ERCC6: variants seen among roughly 807,000 people sequenced by gnomAD.
ERCC6 encodes ERCC excision repair 6, chromatin remodeling factor.
Under a neutral mutation model 158.7 loss-of-function variants are expected in ERCC6, and 116 were observed. The ratio of observed to expected loss-of-function variants is 0.73; its 90% CI spans 0.63 to 0.85. The LOEUF (loss-of-function observed/expected upper bound fraction) is 0.85. Among genes scored for constraint, ERCC6 ranks in the 40% least tolerant of loss-of-function variants. The pLI, the probability that ERCC6 is intolerant of heterozygous loss-of-function variation, is 0.00. For missense variants in ERCC6, 1,698 were observed against 1,799.4 expected, an observed-to-expected ratio of 0.94 and a Z score of 1.02; for synonymous variants, 678 against 659.3, an observed-to-expected ratio of 1.03 and a Z score of -0.43.
intron 5 of ERCC6, chr10:49,517,081 C>A: frequency 6.2e-7 from 1 of 1,603,302 alleles, no homozygotes; most frequent in Non-Finnish European, 8.5e-7. Context: ...TCTAAAAGGT[C>A]AGTTATTTCA....
rs186494062 is a variant in ERCC6 at position 49,471,408 on chromosome 10, C to T, written c.2925-288G>A. Among the ~76,000 whole-genome samples, 3 of 152,282 alleles carry T rather than the reference C, an allele frequency of 2.0e-5. No homozygotes were observed. In the East Asian group the frequency reaches 5.8e-4, roughly 29 times the overall value. ...ATTTCAAGAAACACCTTTTCACATG[C>T]CATCATGTGACTCATAGTCTCTCTT... is the stretch of plus-strand genomic sequence containing the variant. On this transcript the variant is annotated intron_variant, in intron 16 of 20. Coordinates refer to ENST00000355832, the MANE Select transcript of ERCC6 (RefSeq NM_000124.4).
chr10:49,532,023 C>T (rs1294551936), intron 2 of ERCC6, among the ~76,000 whole-genome samples: 1 of 152,148 alleles, frequency 6.6e-6, no homozygotes, highest in Non-Finnish European at 1.5e-5. Flanking sequence ...CTCTAAGACA[C>T]AAATAAAATC....
intron 19 of ERCC6, 139 bp from the exon 20 acceptor site, chr10:49,460,590 C>T (rs1206559140): frequency 3.4e-5 from 24 of 698,062 alleles, no homozygotes; most frequent in Non-Finnish European, 4.6e-5. Flanking sequence ...GCCATTTCTG[C>T]TCTATCCCCC....
chr10:49,435,371 TA>T, the ERCC6 span, among the ~76,000 whole-genome samples: 1 of 152,150 alleles, frequency 6.6e-6, no homozygotes, highest in African/African-American at 2.4e-5. Context: ...CTTGACCTAA[TA>T]AACAGTCACA....
At chr10:49,466,572 A>G (rs1285881237) in intron 18 of ERCC6, among the ~76,000 whole-genome samples, 1 of 152,224 alleles carries the variant, frequency 6.6e-6, no homozygotes, top group Non-Finnish European at 1.5e-5. Context: ...CACTACAATC[A>G]AGACAATGAA....
chr10:49,460,479 T>C (rs199726600), intron 19 of ERCC6, 28 bp from the exon 20 acceptor site: 2 of 1,491,938 alleles, frequency 1.3e-6, no homozygotes, highest in South Asian at 1.1e-5. Context: ...TCACAGTAGA[T>C]TAAATGTTTG....
chr10:49,491,562 G>GAAGTTTGCCCTCCAAAGTC (rs1223247517), intron 8 of ERCC6, among the ~76,000 whole-genome samples: 3 of 152,178 alleles, frequency 2.0e-5, no homozygotes, highest in African/African-American at 7.2e-5. Context: ...TCTCTTCTTA[G>GAAGTTTGCCCTCCAAAGTC]AAGTTTGCCC....
At position 49,476,235 on chromosome 10, in the gene ERCC6, T is replaced by C. The variant is rs1211334191; in HGVS notation, c.2362A>G (p.Ile788Val). 6.2e-7 allele frequency: 1 copy of C among 1,613,440 alleles called. No individual in the cohort carries two copies. The highest frequency in any genetic ancestry group is 1.1e-5 in the South Asian group (1 of 91,060). The change falls in exon 12 of 21, where the codon ATT becomes GTT. Residue 788 changes from isoleucine to valine, a missense_variant. Physicochemically the swap from Ile to Val is conservative, Grantham distance 29 (BLOSUM62 3). Coordinates refer to ENST00000355832, the MANE Select transcript of ERCC6 (RefSeq NM_000124.4). ...CTGACCTGCATCTCTCCATTGAGAA[T>C]CCTGTAAACTTCTTTGGAATCAACG... is the stretch of plus-strand genomic sequence containing the variant. The part of the protein sequence containing the change: ...NFVDSKEVYR[I>V]LNGEMQIFSG...
intron 2 of ERCC6, among the ~76,000 whole-genome samples, chr10:49,531,307 G>C (rs1226194306): frequency 2.0e-5 from 3 of 151,512 alleles, no homozygotes; most frequent in African/African-American, 7.3e-5. Flanking sequence ...CTACATAAAT[G>C]GAAGATTCAC....
At chr10:49,521,646 T>G (rs755108272) in intron 5 of ERCC6, among the ~76,000 whole-genome samples, 34 of 152,158 alleles carry the variant, frequency 2.2e-4, no homozygotes, top group Non-Finnish European at 2.6e-4. Context: ...TGAAAGGGTA[T>G]GAAAACCAGG....
At chr10:49,436,092 C>A in the ERCC6 span, among the ~76,000 whole-genome samples, 6 of 150,238 alleles carry the variant, frequency 4.0e-5, no homozygotes, top group South Asian at 1.3e-3. Context: ...GAAGAATTAA[C>A]AGACTAAATT....
chr10:49,470,622 G>A lies in ERCC6; in HGVS notation c.3338C>T (p.Ala1113Val), dbSNP rs746481213. The change falls in exon 18 of 21, where the codon GCA (alanine) becomes GTA (valine). Residue 1113 changes from alanine (A) to valine (V), a missense_variant. By Grantham distance (64) the Ala-to-Val change is moderately conservative (BLOSUM62 0). Coordinates refer to ENST00000355832, the MANE Select transcript of ERCC6 (RefSeq NM_000124.4). The stretch of plus-strand genomic sequence containing the variant: ...TGACAACTCTTCTGGTCCAGATACT[G>A]CATTTGTCTCTTCTCCAAGCCTATC... ...SNDRLGEETN[A>V]VSGPEELSVI... 71 of 1,613,398 alleles carry A rather than the reference G, an allele frequency of 4.4e-5. No individual in the cohort carries two copies. Among genetic ancestry groups the A allele is most frequent in the Non-Finnish European group, 5.3e-5 (63 of 1,179,624 alleles).
At chr10:49,515,472 T>C (rs1836920144) in intron 5 of ERCC6, 3 of 1,614,182 alleles carry the variant, frequency 1.9e-6, no homozygotes, top group East Asian at 2.2e-5. Context: ...TATGCCATCA[T>C]AACGTGAGTC....
At chr10:49,497,255 C>G (rs1054590217) in intron 7 of ERCC6, among the ~76,000 whole-genome samples, 1 of 152,236 alleles carries the variant, frequency 6.6e-6, no homozygotes, top group Non-Finnish European at 1.5e-5. Flanking sequence ...TTAAATGCAC[C>G]AGCTTCTTTC....
At chr10:49,532,115 A>C (rs1590490536) in intron 2 of ERCC6, among the ~76,000 whole-genome samples, 1 of 152,226 alleles carries the variant, frequency 6.6e-6, no homozygotes, top group East Asian at 1.9e-4. Context: ...AATCTGAAAA[A>C]TTGCCCAAGG....
Position 49,455,265 on chromosome 10 carries a change from T to G in ERCC6, c.*3550A>C, listed in dbSNP as rs1048236373. ...ATTTCATCCAAGAATATAAAAGACT[T>G]TAATAAAATGAGGCCTATCATAACA... is the stretch of plus-strand genomic sequence containing the variant. On this transcript the variant is annotated 3_prime_UTR_variant, in exon 21 of 21. Coordinates refer to ENST00000355832, the MANE Select transcript of ERCC6 (RefSeq NM_000124.4). 2 of 152,088 alleles carry G rather than the reference T, an allele frequency of 1.3e-5. No individual in the cohort carries two copies. Among genetic ancestry groups the G allele is most frequent in the African/African-American group, 4.8e-5 (2 of 41,442 alleles). 9.4% of individuals were successfully genotyped at this position (152,088 alleles called of 1,614,324 possible). A position where few individuals can be genotyped will look rare whatever the true frequency, so the allele number is the denominator to read the frequency against.
the ERCC6 span, among the ~76,000 whole-genome samples, chr10:49,435,194 T>C: frequency 6.6e-6 from 1 of 152,212 alleles, no homozygotes; most frequent in Admixed American, 6.5e-5. Flanking sequence ...TCTAACAATA[T>C]AGTCTTAAAA....
chr10:49,464,991 G>A (rs1180990323), intron 18 of ERCC6, among the ~76,000 whole-genome samples: 1 of 152,218 alleles, frequency 6.6e-6, no homozygotes, highest in Non-Finnish European at 1.5e-5. Context: ...GTGGAGCTAT[G>A]AGAAGAGGGC....
At chr10:49,538,237 C>G (rs916849670) in intron 1 of ERCC6, among the ~76,000 whole-genome samples, 3 of 152,118 alleles carry the variant, frequency 2.0e-5, no homozygotes, top group African/African-American at 7.2e-5. Flanking sequence ...GAGGGTTGGT[C>G]GGACACAGGC....
Sources: allele counts gnomAD v4.1 joint callset (sites outside exome capture counted in the v4.1 genomes callset), GRCh38; gene constraint gnomAD v4.1.1; transcripts MANE v1.5; gene names NCBI Gene and HGNC (gene_info 2026-07-23, HGNC 2026-07-21).